Variants in ADGRE1 observed in about 807,000 individuals in gnomAD.
The protein encoded by ADGRE1 is EGF-like module receptor 1.
ADGRE1 carries 82 observed loss-of-function variants against 102.7 expected under a neutral mutation model. The ratio of observed to expected loss-of-function variants is 0.80; its 90% confidence interval spans 0.67 to 0.96. The LOEUF is 0.96. Ranked by LOEUF, ADGRE1 falls within the 40% of genes least tolerant of loss-of-function variation. The pLI, the probability that ADGRE1 is intolerant of heterozygous loss-of-function variation, is 0.00. For missense variants in ADGRE1, 1,032 were observed against 1,085.3 expected (o/e 0.95, Z 0.69); for synonymous variants, 398 against 399.6 (o/e 1.00, Z 0.05).
At position 6,921,766 on chromosome 19, in the gene ADGRE1, G is replaced by A. The variant is rs777979020; in HGVS notation, c.1674G>A (p.Lys558=). Residue 558 remains lysine, a synonymous_variant, in exon 14 of 21, where the codon AAG becomes AAA. Transcript: ENST00000312053. ...GTGTTTCCTGGAGCACTGATGTGAA[G>A]GGTGGAAGATGGACATCCTTTGGCT... ...PICVSWSTDV[K]GGRWTSFGCV... is the part of the protein sequence containing the mutation. 17 of 1,614,098 alleles carry A rather than the reference G, an allele frequency of 1.1e-5. No homozygotes were observed. In the South Asian group the frequency reaches 1.9e-4, roughly 18 times the overall value.
intron 8 of ADGRE1, among the ~76,000 whole-genome samples, chr19:6,905,641 G>A (rs1037736335): frequency 9.9e-5 from 15 of 152,026 alleles, no homozygotes; most frequent in South Asian, 2.1e-4. Flanking sequence ...GTGAGCCACC[G>A]TGCCCGGCCA....
At position 6,937,634 on chromosome 19, in the gene ADGRE1, T is replaced by A; in HGVS notation, c.2641T>A (p.Ser881Thr). Residue 881 changes from serine (S) to threonine (T), a missense_variant, in exon 20 of 21, where the codon TCC becomes ACC. Transcript: ENST00000312053. ...TSRILLSSMP[S>T]ASKTG ...AAGGATCTTGCTGTCCTCCATGCCA[T>A]CCGCTTCCAAGACGGTGAGAGACTG... 6.2e-7 allele frequency: 1 copy of A among 1,614,036 alleles called. No homozygotes were observed. Among genetic ancestry groups the A allele is most frequent in the Non-Finnish European group, 8.5e-7 (1 of 1,179,990 alleles).
At chr19:6,900,647 G>C (rs1973733160) in intron 5 of ADGRE1, among the ~76,000 whole-genome samples, 1 of 152,078 alleles carries the variant, frequency 6.6e-6, no homozygotes, top group Non-Finnish European at 1.5e-5. Flanking sequence ...TCCTCACCAA[G>C]AGACAAGAGC....
intron 10 of ADGRE1, among the ~76,000 whole-genome samples, chr19:6,911,705 A>G (rs999959953): frequency 6.6e-6 from 1 of 151,748 alleles, no homozygotes; most frequent in South Asian, 2.1e-4. Context: ...ACACGTGTAC[A>G]CACACATATA....
intron 2 of ADGRE1, chr19:6,895,637 C>T (rs1399343236): frequency 1.3e-5 from 2 of 152,116 alleles, no homozygotes; most frequent in Admixed American, 1.3e-4. Context: ...TCTTGGAATC[C>T]AAGGGGAGGC....
chr19:6,921,702 G>GTT lies in ADGRE1; in HGVS notation c.1621-4_1621-3dup, dbSNP rs34941944. ...AAGACCTTTGTTTTTTTGTTTTTTT[G>GTT]TTTTTTTTAGCCAAAGCAGAAGTTT... On this transcript the variant is annotated splice_polypyrimidine_tract_variant and intron_variant, in intron 13 of 20. Transcript: ENST00000312053. 160 of 1,566,052 alleles carry GTT rather than the reference G, an allele frequency of 1.0e-4. No individual in the cohort carries two copies. The African/African-American group carries it at 1.1e-3, about 10-fold the overall frequency.
intron 12 of ADGRE1, 30 bp from the exon 13 acceptor site, chr19:6,919,518 T>C (rs171674): frequency 0.79 from 1,255,651 of 1,598,842 alleles, 494,161 homozygotes; most frequent in East Asian, 0.81. Flanking sequence ...AAACGATTCC[T>C]TCCTTTTTTT....
intron 8 of ADGRE1, among the ~76,000 whole-genome samples, chr19:6,904,748 A>C (rs1278639978): frequency 6.6e-6 from 1 of 152,044 alleles, no homozygotes; most frequent in South Asian, 2.1e-4. Context: ...CCTCGTGATC[A>C]GCCCGCCTCG....
chr19:6,928,085 G>T, intron 16 of ADGRE1, 60 bp from the exon 17 acceptor site: 1 of 1,569,732 alleles, frequency 6.4e-7, no homozygotes, highest in East Asian at 2.2e-5. Context: ...GTTGGGACAG[G>T]GTTAACTGTA....
intron 4 of ADGRE1, 39 bp downstream of exon 4, chr19:6,897,343 A>G: frequency 6.2e-7 from 1 of 1,612,178 alleles, no homozygotes. Context: ...TCTTGGGTGG[A>G]TATCTATCAG....
chr19:6,933,321 C>T (rs1003331824), intron 17 of ADGRE1, among the ~76,000 whole-genome samples: 1 of 152,072 alleles, frequency 6.6e-6, no homozygotes, highest in Admixed American at 6.5e-5. Flanking sequence ...AATAATTCCC[C>T]TGGGGCCGTG....
At position 6,919,831 on chromosome 19, in the gene ADGRE1, C is replaced by T. The variant is rs1974566901; in HGVS notation, c.1620+84C>T. ...CGATTGCCTTAACTCTCATTTTTTA[C>T]GGGAAGCTATTGAGGCCGGTAAGCT... On this transcript the variant is annotated intron_variant, in intron 13 of 20. Coordinates refer to ENST00000312053, the MANE Select transcript of ADGRE1 (RefSeq NM_001974.5). 37 of 1,390,472 alleles carry T rather than the reference C, an allele frequency of 2.7e-5. No individual in the cohort carries two copies. In the South Asian group the frequency reaches 4.3e-4, roughly 16 times the overall value. 86.1% of individuals were successfully genotyped at this position (1,390,472 alleles called of 1,614,324 possible).
At chr19:6,898,505 C>A in intron 5 of ADGRE1, 9 of 1,564,102 alleles carry the variant, frequency 5.8e-6, no homozygotes, top group South Asian at 1.1e-5. Context: ...GAGTGGATAT[C>A]TATCAGTGGG....
intron 12 of ADGRE1, among the ~76,000 whole-genome samples, chr19:6,916,855 T>C (rs926102688): frequency 2.6e-5 from 4 of 151,774 alleles, no homozygotes; most frequent in African/African-American, 9.7e-5. Context: ...GTTGAAATGA[T>C]AATATTTGGC....
At chr19:6,888,624 G>A (rs548504871) in intron 1 of ADGRE1, among the ~76,000 whole-genome samples, 59 of 152,182 alleles carry the variant, frequency 3.9e-4, no homozygotes, top group African/African-American at 4.8e-4. Flanking sequence ...TCAAGGCCAC[G>A]CAATCATTAA....
chr19:6,940,321 G>C lies in ADGRE1; in HGVS notation c.*292G>C. On this transcript the variant is annotated 3_prime_UTR_variant, in exon 21 of 21. Transcript: ENST00000312053. ...TCAATGGCATGACCAAGAACACCTG[G>C]CTACCATTTTGTTTTCTCCTGCCCT... is the stretch of plus-strand genomic sequence containing the variant. The C allele has an allele frequency of 3.9e-6, 2 of 518,408 alleles. No homozygotes were observed. Among genetic ancestry groups the C allele is most frequent in the Non-Finnish European group, 3.5e-6 (1 of 288,670 alleles). The allele number at this position is 518,408 out of a possible 1,614,324, so 32.1% of individuals were successfully genotyped here.
intron 17 of ADGRE1, among the ~76,000 whole-genome samples, chr19:6,930,024 G>A (rs562142784): frequency 6.6e-5 from 10 of 152,262 alleles, no homozygotes; most frequent in African/African-American, 2.4e-4. Flanking sequence ...ACCCATGCAA[G>A]CTTCTAGCTT....
chr19:6,923,703 T>C (rs1188724642), intron 14 of ADGRE1, among the ~76,000 whole-genome samples: 1 of 151,614 alleles, frequency 6.6e-6, no homozygotes. Flanking sequence ...GCTAATATTT[T>C]TTGTTTGTTT....
At chr19:6,911,569 T>C (rs534027721) in intron 10 of ADGRE1, among the ~76,000 whole-genome samples, 3 of 151,690 alleles carry the variant, frequency 2.0e-5, no homozygotes, top group East Asian at 1.9e-4. Flanking sequence ...TCTTCCCCTA[T>C]CTTTTTACCT....
Sources: gnomAD v4.1 joint callset for allele counts (sites outside exome capture counted in the v4.1 genomes callset) on GRCh38, gnomAD v4.1.1 for gene constraint, MANE v1.5 for transcripts, NCBI Gene and HGNC (gene_info 2026-07-23, HGNC 2026-07-21) for gene names.